POLR1A: variants seen among roughly 807,000 people sequenced by gnomAD.
POLR1A encodes the protein RNA polymerase I subunit A.
POLR1A carries 84 observed loss-of-function variants against 205.3 expected under a neutral mutation model. That is an observed-to-expected ratio of 0.41 (90% CI 0.34 to 0.49). The LOEUF is 0.49. Ranked by LOEUF, POLR1A falls within the 20% of genes least tolerant of loss-of-function variation. The pLI, the probability that POLR1A is intolerant of heterozygous loss-of-function variation, is 0.22. For missense variants in POLR1A, 1,645 were observed against 2,204.5 expected (o/e 0.75, Z 5.08); for synonymous variants, 799 against 863.7 (o/e 0.93, Z 1.31).
chr2:86,044,457 G>C, intron 21 of POLR1A, 153 bp from the exon 22 acceptor site: 2 of 741,590 alleles, frequency 2.7e-6, no homozygotes, highest in Non-Finnish European at 4.3e-6. Context: ...AATGCCCCGG[G>C]GTCTGGGCTT....
At chr2:86,068,247 C>G (rs1386098289) in intron 13 of POLR1A, among the ~76,000 whole-genome samples, 1 of 152,170 alleles carries the variant, frequency 6.6e-6, no homozygotes, top group Non-Finnish European at 1.5e-5. Context: ...GTAGTGTCCC[C>G]TCTGGTGAAA....
rs749349940 is a variant in POLR1A at position 86,030,280 on chromosome 2, A to T, written c.4695T>A (p.Asn1565Lys). 1 of 1,614,158 alleles carries T rather than the reference A, an allele frequency of 6.2e-7. No individual in the cohort carries two copies. The highest frequency in any genetic ancestry group is 1.7e-5 in the Admixed American group (1 of 60,024). Residue 1565 changes from asparagine to lysine, a missense_variant, in exon 31 of 34, where the codon AAT becomes AAA. Physicochemically the swap from Asn to Lys is moderately conservative, Grantham distance 94. Coordinates refer to ENST00000263857, the MANE Select transcript of POLR1A (RefSeq NM_015425.6). ...ATKGITRCLL[N>K]ETTNNKNEKE... is the part of the protein sequence containing the mutation. ...TCTCGTTCTTATTGTTGGTTGTTTC[A>T]TTCAGGAGGCACCGAGTGATGCCCT...
At chr2:86,068,568 G>A (rs537119307) in intron 13 of POLR1A, among the ~76,000 whole-genome samples, 3 of 152,306 alleles carry the variant, frequency 2.0e-5, no homozygotes, top group East Asian at 3.9e-4. Flanking sequence ...ATAAATGGCA[G>A]CTTTTACTGC....
chr2:86,058,760 A>T (rs188825278), intron 14 of POLR1A, among the ~76,000 whole-genome samples: 109 of 152,150 alleles, frequency 7.2e-4, no homozygotes, highest in African/African-American at 2.4e-3. Flanking sequence ...AAATGGATTT[A>T]AAAAAATGTA....
intron 27 of POLR1A, among the ~76,000 whole-genome samples, chr2:86,034,131 A>G (rs1027003583): frequency 2.6e-5 from 4 of 152,236 alleles, no homozygotes; most frequent in Non-Finnish European, 5.9e-5. Flanking sequence ...GATGAGAAAC[A>G]ACCCTATGTC....
chr2:86,044,336 G>A (rs777529641), intron 21 of POLR1A, 32 bp from the exon 22 acceptor site: 14 of 1,612,278 alleles, frequency 8.7e-6, no homozygotes, highest in South Asian at 2.2e-5. Flanking sequence ...AGTCCCCGCC[G>A]GCCCATCACC....
At chr2:86,055,565 C>A (rs1030548282) in intron 14 of POLR1A, among the ~76,000 whole-genome samples, 1 of 152,136 alleles carries the variant, frequency 6.6e-6, no homozygotes, top group African/African-American at 2.4e-5. Context: ...TCAAGCTGCA[C>A]CTCAACCAAG....
chr2:86,033,509 T>C, intron 28 of POLR1A, 152 bp downstream of exon 28: 1 of 878,804 alleles, frequency 1.1e-6, no homozygotes, highest in Non-Finnish European at 1.7e-6. Context: ...ATGCTGCTTC[T>C]GGGCTCTCAG....
Position 86,047,108 on chromosome 2 carries a change from A to C in POLR1A, c.2733+57T>G. On this transcript the variant is annotated intron_variant, in intron 19 of 33. Transcript: ENST00000263857. The stretch of plus-strand genomic sequence containing the variant: ...GAACAAACTGAAACCACCTCCTGCT[A>C]TCCCCCACCTGCCTTTGCTGACACC... 3 of 1,170,720 alleles carry C rather than the reference A, an allele frequency of 2.6e-6. No homozygotes were observed. The South Asian group carries it at 3.7e-5, about 14-fold the overall frequency. The allele number at this position is 1,170,720 out of a possible 1,614,324, so 72.5% of individuals were successfully genotyped here. A position where few individuals can be genotyped will look rare whatever the true frequency, so the allele number is the denominator to read the frequency against.
Position 86,071,348 on chromosome 2 carries a change from T to C in POLR1A, c.1612-1076A>G, listed in dbSNP as rs370069126. ...TCTCTGTTGCCAGGCTGGAGTATAG[T>C]GGTACAATCATGGCTCACTGCAGCT... is the stretch of plus-strand genomic sequence containing the variant. On this transcript the variant is annotated intron_variant, in intron 12 of 33. Transcript: ENST00000263857. Among the ~76,000 whole-genome samples the C allele has an allele frequency of 3.3e-5, 5 of 152,066 alleles. No homozygotes were observed. The East Asian group carries it at 7.7e-4, about 24-fold the overall frequency.
At chr2:86,086,040 T>A (rs939708428) in intron 6 of POLR1A, among the ~76,000 whole-genome samples, 14 of 151,110 alleles carry the variant, frequency 9.3e-5, no homozygotes, top group Non-Finnish European at 2.1e-4. Flanking sequence ...CCATGGGGAC[T>A]ACTCAGGCAC....
At chr2:86,095,853 G>A (rs1049701442) in intron 3 of POLR1A, among the ~76,000 whole-genome samples, 3 of 151,898 alleles carry the variant, frequency 2.0e-5, no homozygotes, top group Admixed American at 6.6e-5. Flanking sequence ...TCAGCCTCCG[G>A]AGTAGCTGGG....
intron 14 of POLR1A, among the ~76,000 whole-genome samples, chr2:86,064,628 C>G (rs536576607): frequency 1.3e-5 from 2 of 152,260 alleles, no homozygotes; most frequent in South Asian, 2.1e-4. Context: ...AAGCACTCAG[C>G]AAACATATGG....
chr2:86,069,577 C>G lies in POLR1A; in HGVS notation c.1866+441G>C, dbSNP rs563997518. Among the ~76,000 whole-genome samples the G allele has an allele frequency of 1.7e-3, 253 of 152,300 alleles. 1 individual carries two copies. The highest frequency in any genetic ancestry group is 3.4e-3 in the Middle Eastern group (1 of 294). ...CAGAAGATGCCTTCACGGGCTGCTGCGGGATCTCTTCTGGGCCCTTGGGGT... is the reference window on the plus strand; with the variant it reads ...CAGAAGATGCCTTCACGGGCTGCTGGGGGATCTCTTCTGGGCCCTTGGGGT... On this transcript the variant is annotated intron_variant, in intron 13 of 33. Coordinates refer to ENST00000263857, the MANE Select transcript of POLR1A (RefSeq NM_015425.6).
chr2:86,073,668 GC>G (rs1393936570), intron 12 of POLR1A, among the ~76,000 whole-genome samples: 1 of 152,186 alleles, frequency 6.6e-6, no homozygotes, highest in Non-Finnish European at 1.5e-5. Context: ...CTCCGCAACA[GC>G]AATACATTTA....
chr2:86,078,068 T>C, intron 10 of POLR1A, 46 bp downstream of exon 10: 1 of 1,612,384 alleles, frequency 6.2e-7, no homozygotes. Context: ...CAATGTTTAT[T>C]ATTTATCTTC....
At chr2:86,097,292 G>A (rs571966526) in intron 3 of POLR1A, among the ~76,000 whole-genome samples, 111 of 140,496 alleles carry the variant, frequency 7.9e-4, no homozygotes, top group Admixed American at 1.0e-3. Context: ...TACACTGTTG[G>A]TGGGAATGTA....
rs1411158711 is a variant in POLR1A at position 86,020,273 on chromosome 2, C to G, written c.*7150G>C. 6.6e-6 allele frequency: 1 copy of G among 152,112 alleles called. No homozygotes were observed. Among genetic ancestry groups the G allele is most frequent in the Non-Finnish European group, 1.5e-5 (1 of 68,032 alleles). The allele number at this position is 152,112 out of a possible 1,614,324, so 9.4% of individuals were successfully genotyped here. A position where few individuals can be genotyped will look rare whatever the true frequency, so the allele number is the denominator to read the frequency against. On this transcript the variant is annotated 3_prime_UTR_variant, in exon 34 of 34. Coordinates refer to ENST00000263857, the MANE Select transcript of POLR1A (RefSeq NM_015425.6). ...ATTGCAAACTGAAGTACAAATGAGG[C>G]TGGGCATAGTGGCTTACACCTGTAA...
In POLR1A at chr2:86,045,749, C is replaced by A; in HGVS notation, c.2754G>T (p.Gln918His). The A allele has an allele frequency of 6.2e-7, 1 of 1,608,396 alleles. No homozygotes were observed. Among genetic ancestry groups the A allele is most frequent in the South Asian group, 1.1e-5 (1 of 89,954 alleles). The change falls in exon 20 of 34, where the codon CAG becomes CAT. Residue 918 changes from glutamine to histidine, a missense_variant. Physicochemically the swap from Gln to His is conservative, Grantham distance 24. Around this residue, in one of 16 missense-constraint regions of POLR1A, gnomAD observed 339 missense variants for 415.1 expected, o/e 0.82. Coordinates refer to ENST00000263857, the MANE Select transcript of POLR1A (RefSeq NM_015425.6). ...GGGGTCTCCGACCTTCCAGTTCAAT[C>A]TGGCCCAGCAGGCACGAGATCTGGA... Reference protein sequence around the residue: ...NTMQISCLLGQIELEGRRPPL... With the variant: ...NTMQISCLLGHIELEGRRPPL...
Sources: allele counts gnomAD v4.1 joint callset (sites outside exome capture counted in the v4.1 genomes callset), GRCh38; gene constraint gnomAD v4.1.1; regional missense constraint gnomAD v4.1.1; transcripts MANE v1.5; gene names NCBI Gene and HGNC (gene_info 2026-07-23, HGNC 2026-07-21).